Variants in BACH1 observed in about 807,000 individuals in gnomAD.
The protein encoded by BACH1 is BTB domain and CNC homolog 1.
BACH1 carries 35 observed loss-of-function variants against 52.9 expected under a neutral mutation model. That is an observed-to-expected ratio of 0.66 (90% confidence interval 0.51 to 0.88). BACH1 has a LOEUF of 0.88. BACH1 is among the 40% of genes least tolerant of loss of function. The probability of loss-of-function intolerance (pLI) is 0.00; values close to 1 mark genes in which losing one functional copy is unlikely to be tolerated. For synonymous variants in BACH1, 321 were observed against 319.6 expected (o/e 1.00, Z -0.05); for missense variants, 808 against 872.6 (o/e 0.93, Z 0.93).
At chr21:29,323,324 C>T (rs1043904051) in intron 2 of BACH1, among the ~76,000 whole-genome samples, 3 of 152,056 alleles carry the variant, frequency 2.0e-5, no homozygotes, top group Non-Finnish European at 2.9e-5. Flanking sequence ...TGGCCCAGTC[C>T]GAGTCCAAAG....
chr21:29,349,933 G>T (rs1283080816), downstream of BACH1, among the ~76,000 whole-genome samples: 1 of 152,170 alleles, frequency 6.6e-6, no homozygotes, highest in East Asian at 1.9e-4. Flanking sequence ...TATGAGAGGC[G>T]CTCCATATCT....
intron 4 of BACH1, among the ~76,000 whole-genome samples, chr21:29,341,595 A>G (rs2089113507): frequency 6.6e-6 from 1 of 152,216 alleles, no homozygotes; most frequent in Non-Finnish European, 1.5e-5. Flanking sequence ...ACTTTCTTAT[A>G]GGGGTAATAT....
chr21:29,347,982 GAAA>G, downstream of BACH1, among the ~76,000 whole-genome samples: 1 of 151,960 alleles, frequency 6.6e-6, no homozygotes, highest in African/African-American at 2.4e-5. Context: ...AACTTTTAGA[GAAA>G]AAAATTCAAA....
downstream of BACH1, among the ~76,000 whole-genome samples, chr21:29,350,594 G>T (rs2089196747): frequency 6.6e-6 from 1 of 152,200 alleles, no homozygotes; most frequent in South Asian, 2.1e-4. Context: ...CAGCATGGTG[G>T]TGTGGAGGCG....
At chr21:29,339,095 C>T (rs534494796) in intron 4 of BACH1, among the ~76,000 whole-genome samples, 1 of 152,236 alleles carries the variant, frequency 6.6e-6, no homozygotes, top group African/African-American at 2.4e-5. Context: ...TAACTGTATA[C>T]TGTTTCATGT....
chr21:29,359,124 AGCAT>A (rs2089256154), intron 2 of BACH1: 1 of 152,132 alleles, frequency 6.6e-6, no homozygotes, highest in Non-Finnish European at 1.5e-5. Flanking sequence ...TGTCCATCAT[AGCAT>A]TTATCATAGT....
chr21:29,327,222 T>C lies in BACH1; in HGVS notation c.1398T>C (p.Thr466=). ...LSSVNCPFIS[T]LSTEGCSSNL... ...CTGTCAACTGCCCTTTTATAAGTACTCTGAGTACTGAAGGCTGTTCAAGCA... is the reference window on the plus strand; with the variant it reads ...CTGTCAACTGCCCTTTTATAAGTACCCTGAGTACTGAAGGCTGTTCAAGCA... Residue 466 remains threonine, a synonymous_variant, in exon 3 of 5, where the codon ACT becomes ACC. Coordinates refer to ENST00000286800, the MANE Select transcript of BACH1 (RefSeq NM_001186.4). 1.2e-6 allele frequency: 2 copies of C among 1,614,202 alleles called. No individual in the cohort carries two copies. The highest frequency in any genetic ancestry group is 1.7e-5 in the Admixed American group (1 of 60,016).
chr21:29,353,727 A>G (rs2089216875), intron 2 of BACH1, among the ~76,000 whole-genome samples: 2 of 152,202 alleles, frequency 1.3e-5, no homozygotes, highest in Non-Finnish European at 2.9e-5. Context: ...CCCACTAAAA[A>G]AGCCTTGACA....
chr21:29,321,663 G>GT (rs1038282129), intron 2 of BACH1, 149 bp downstream of exon 2: 28 of 582,620 alleles, frequency 4.8e-5, no homozygotes, highest in East Asian at 1.6e-4. Flanking sequence ...TTTTTTTTTA[G>GT]TTTTTTTAAT....
intron 4 of BACH1, among the ~76,000 whole-genome samples, chr21:29,333,301 A>G (rs2089006444): frequency 6.6e-6 from 1 of 152,242 alleles, no homozygotes; most frequent in Non-Finnish European, 1.5e-5. Flanking sequence ...TAGGAGGGTT[A>G]CAGCCAGAGG....
At chr21:29,356,782 A>G (rs867087721) in intron 2 of BACH1, among the ~76,000 whole-genome samples, 2 of 152,398 alleles carry the variant, frequency 1.3e-5, no homozygotes, top group Middle Eastern at 3.4e-3. Context: ...TCAATTATCA[A>G]TTATAGGTTT....
intron 2 of BACH1, among the ~76,000 whole-genome samples, chr21:29,353,192 G>A (rs1055605355): frequency 2.4e-4 from 36 of 152,206 alleles, no homozygotes; most frequent in Non-Finnish European, 2.5e-4. Context: ...TCACTGAGAA[G>A]ATGTAAGAAC....
chr21:29,356,187 T>C (rs2089233674), intron 2 of BACH1, among the ~76,000 whole-genome samples: 1 of 152,222 alleles, frequency 6.6e-6, no homozygotes, highest in Non-Finnish European at 1.5e-5. Flanking sequence ...GTTGTATGGC[T>C]CTGCACTGAC....
rs1428394608 is a variant in BACH1, at chr21:29,345,513, A to G, written c.*2680A>G. 6.6e-6 allele frequency: 1 copy of G among 151,974 alleles called. No homozygotes were observed. Among genetic ancestry groups the G allele is most frequent in the Non-Finnish European group, 1.5e-5 (1 of 67,942 alleles). The allele number at this position is 151,974 out of a possible 1,614,324, so 9.4% of individuals were successfully genotyped here. ...ATAACATTACCTTATTTTTTTTCTT[A>G]TTCAAATTCTGGAACTATAGCAAAT... On this transcript the variant is annotated 3_prime_UTR_variant, in exon 5 of 5. Transcript: ENST00000286800.
At chr21:29,316,581 G>A (rs758445316) in intron 1 of BACH1, among the ~76,000 whole-genome samples, 1 of 152,238 alleles carries the variant, frequency 6.6e-6, no homozygotes. Context: ...CATGATGGAT[G>A]TTAGAGGACA....
intron 4 of BACH1, among the ~76,000 whole-genome samples, chr21:29,339,031 T>C (rs2089079319): frequency 6.6e-6 from 1 of 152,204 alleles, no homozygotes; most frequent in Non-Finnish European, 1.5e-5. Flanking sequence ...GTAGTGACTG[T>C]AATACAGTTC....
Position 29,321,295 on chromosome 21 carries a change from G to T in BACH1, c.15G>T (p.Glu5Asp). The T allele has an allele frequency of 6.2e-7, 1 of 1,613,822 alleles. No homozygotes were observed. The highest frequency in any genetic ancestry group is 8.5e-7 in the Non-Finnish European group (1 of 1,179,740). The change falls in exon 2 of 5, where the codon GAG becomes GAT. Residue 5 changes from glutamate to aspartate, a missense_variant. Glu to Asp is a conservative substitution (Grantham distance 45). Transcript: ENST00000286800. MSLS[E>D]NSVFAYESSV... ...TGTTATGCAGAATGTCTCTGAGTGAGAACTCGGTTTTTGCCTATGAATCTT... is the reference window on the plus strand; with the variant it reads ...TGTTATGCAGAATGTCTCTGAGTGATAACTCGGTTTTTGCCTATGAATCTT...
rs766313814 is a variant in BACH1 at position 29,329,872 on chromosome 21, AAGGTT to A, written c.1776+180_1776+184del. 6.6e-5 allele frequency among the ~76,000 whole-genome samples: 10 copies of A among 152,202 alleles called. No homozygotes were observed. In the East Asian group the frequency reaches 1.7e-3, roughly 27 times the overall value. ...TGATATGTAAGTGCTTTTTAAAAAG[AAGGTT>A]TTCAAATTAAGAATGACTTTACTGT... On this transcript the variant is annotated intron_variant, in intron 4 of 4. Transcript: ENST00000286800.
chr21:29,332,815 AT>A (rs1282456743), intron 4 of BACH1, among the ~76,000 whole-genome samples: 7 of 152,194 alleles, frequency 4.6e-5, no homozygotes, highest in African/African-American at 1.7e-4. Context: ...TCACTCAGGT[AT>A]CCTCTTCTGT....
Sources: allele counts gnomAD v4.1 joint callset (sites outside exome capture counted in the v4.1 genomes callset), GRCh38; gene constraint gnomAD v4.1.1; transcripts MANE v1.5; gene names NCBI Gene and HGNC (gene_info 2026-07-23, HGNC 2026-07-21).